Variants in SESN1 observed in about 807,000 individuals in gnomAD.
SESN1 encodes the protein sestrin-1.
A neutral mutation model predicts 59.3 loss-of-function variants in SESN1; 30 were observed. The observed-to-expected ratio is 0.51, with a 90% CI of 0.38 to 0.69. SESN1 has a LOEUF of 0.69. Among genes scored for constraint, SESN1 ranks in the 30% least tolerant of loss-of-function variants. SESN1 has a pLI of 0.00. For missense variants in SESN1, 566 were observed against 673.0 expected (o/e 0.84, Z 1.76); for synonymous variants, 197 against 219.9 (o/e 0.90, Z 0.92).
intron 1 of SESN1, among the ~76,000 whole-genome samples, chr6:109,046,104 TCTCC>T (rs1315356241): frequency 6.6e-6 from 1 of 151,960 alleles, no homozygotes; most frequent in Non-Finnish European, 1.5e-5. Flanking sequence ...GCTCTAGCCC[TCTCC>T]CTCTCCCTCT....
chr6:109,080,487 C>T (rs1185907125), intron 1 of SESN1, among the ~76,000 whole-genome samples: 2 of 152,058 alleles, frequency 1.3e-5, no homozygotes, highest in Non-Finnish European at 2.9e-5. Flanking sequence ...AAATTATACA[C>T]CACAGTGAAA....
intron 1 of SESN1, among the ~76,000 whole-genome samples, chr6:109,059,044 A>G (rs1229889354): frequency 6.6e-6 from 1 of 152,032 alleles, no homozygotes; most frequent in Non-Finnish European, 1.5e-5. Flanking sequence ...GGAAACACCA[A>G]ATTTAAAACG....
chr6:109,056,116 A>G (rs1453266181), intron 1 of SESN1, among the ~76,000 whole-genome samples: 1 of 152,176 alleles, frequency 6.6e-6, no homozygotes, highest in Non-Finnish European at 1.5e-5. Context: ...CTTTTAAAAG[A>G]GTAATTTTCA....
At position 108,988,597 on chromosome 6, in the gene SESN1, C is replaced by T; in HGVS notation, c.1515G>A (p.Lys505=). The T allele has an allele frequency of 6.2e-7, 1 of 1,613,136 alleles. No homozygotes were observed. The highest frequency in any genetic ancestry group is 1.3e-5 in the African/African-American group (1 of 74,990). The stretch of plus-strand genomic sequence containing the variant: ...AGCTATCATACATTCTTTTGGTAAC[C>T]TTTTCAGGAGTGCAAACAACAGTTT... The part of the protein sequence containing the change: ...YIKTVVCTPE[K]VTKRMYDSFW... Residue 505 remains lysine, a synonymous_variant, in exon 9 of 10, where the codon AAG becomes AAA. Coordinates refer to ENST00000436639, the MANE Select transcript of SESN1 (RefSeq NM_014454.3).
intron 4 of SESN1, among the ~76,000 whole-genome samples, chr6:108,999,627 A>G (rs777368738): frequency 3.3e-5 from 5 of 152,186 alleles, no homozygotes; most frequent in African/African-American, 4.8e-5. Flanking sequence ...ACTGACACCA[A>G]TGCTGGCCAA....
chr6:109,004,253 A>G (rs777164051), intron 1 of SESN1, among the ~76,000 whole-genome samples: 1 of 152,232 alleles, frequency 6.6e-6, no homozygotes, highest in Non-Finnish European at 1.5e-5. Flanking sequence ...ACAAAAGCCA[A>G]AAGTCATAAA....
chr6:109,019,993 T>C (rs1447130420), intron 1 of SESN1, among the ~76,000 whole-genome samples: 1 of 152,134 alleles, frequency 6.6e-6, no homozygotes, highest in Non-Finnish European at 1.5e-5. Flanking sequence ...CAGAAAAAAG[T>C]ATGTGGATCA....
intron 1 of SESN1, among the ~76,000 whole-genome samples, chr6:109,041,668 A>G (rs945314242): frequency 6.6e-6 from 1 of 152,194 alleles, no homozygotes; most frequent in African/African-American, 2.4e-5. Context: ...ACCCAAATGT[A>G]CATCCACCAA....
rs979187925 is a variant in SESN1, at chr6:109,042,433, G to GA, written c.280-40091dup. Among the ~76,000 whole-genome samples the GA allele has an allele frequency of 1.3e-3, 164 of 128,296 alleles. 1 individual carries two copies. Among genetic ancestry groups the GA allele is most frequent in the Admixed American group, 4.2e-3 (53 of 12,650 alleles). The allele number at this position is 128,296 out of a possible 152,430, so 84.2% of individuals were successfully genotyped here. The stretch of plus-strand genomic sequence containing the variant: ...AAACAAACTGCTGGTTCTTTGAAAA[G>GA]AAAAAAAAATTGAAAAACCTCTAGC... On this transcript the variant is annotated intron_variant, in intron 1 of 9. Transcript: ENST00000436639.
intron 1 of SESN1, among the ~76,000 whole-genome samples, chr6:109,083,596 G>A (rs1452526610): frequency 1.3e-5 from 2 of 152,160 alleles, no homozygotes; most frequent in Non-Finnish European, 2.9e-5. Context: ...TATAATTTAA[G>A]TCAGTCAATG....
intron 5 of SESN1, among the ~76,000 whole-genome samples, chr6:108,996,572 A>C (rs545129413): frequency 9.2e-5 from 14 of 152,166 alleles, no homozygotes; most frequent in Non-Finnish European, 2.1e-4. Context: ...ATTATATTGA[A>C]ATAAGAGGGA....
chr6:109,087,110 G>A (rs761546787), intron 1 of SESN1, among the ~76,000 whole-genome samples: 3 of 152,100 alleles, frequency 2.0e-5, no homozygotes, highest in Non-Finnish European at 4.4e-5. Flanking sequence ...CAGCCTGGGC[G>A]ACAGAGCAAG....
intron 1 of SESN1, among the ~76,000 whole-genome samples, chr6:109,074,749 T>C (rs925792397): frequency 5.3e-5 from 8 of 152,182 alleles, no homozygotes; most frequent in South Asian, 4.1e-4. Context: ...TAATTCTCTT[T>C]CCCCTCAAAT....
In SESN1 at chr6:109,009,314, C is replaced by A. The variant is rs1433708914; in HGVS notation, c.280-6971G>T. The A allele has an allele frequency of 2.1e-6, 3 of 1,442,974 alleles. No homozygotes were observed. In the African/African-American group the frequency reaches 4.4e-5, roughly 21 times the overall value. The allele number at this position is 1,442,974 out of a possible 1,614,324, so 89.4% of individuals were successfully genotyped here. Reference sequence around the variant, plus strand: ...ACAGGGCAGCTCGGCCGGGTGCCCACCCGCCCAGGTACCCAGCGGCCCGCT... The same window carrying A: ...ACAGGGCAGCTCGGCCGGGTGCCCAACCGCCCAGGTACCCAGCGGCCCGCT... On this transcript the variant is annotated intron_variant, in intron 1 of 9. Coordinates refer to ENST00000436639, the MANE Select transcript of SESN1 (RefSeq NM_014454.3).
intron 1 of SESN1, among the ~76,000 whole-genome samples, chr6:109,081,696 C>T (rs1474187795): frequency 6.6e-6 from 1 of 152,168 alleles, no homozygotes; most frequent in Non-Finnish European, 1.5e-5. Flanking sequence ...CCATCCACCC[C>T]AATTCACAGA....
At chr6:109,012,081 G>A (rs959957262) in intron 1 of SESN1, among the ~76,000 whole-genome samples, 1 of 152,142 alleles carries the variant, frequency 6.6e-6, no homozygotes, top group African/African-American at 2.4e-5. Context: ...CTCTAGGGCT[G>A]AGCACATACA....
intron 1 of SESN1, among the ~76,000 whole-genome samples, chr6:109,023,301 C>T (rs540054781): frequency 6.6e-6 from 1 of 152,174 alleles, no homozygotes; most frequent in Non-Finnish European, 1.5e-5. Context: ...ATTAAGGACA[C>T]ATTATCATAA....
In SESN1 at chr6:109,000,795, C is replaced by G. The variant is rs147023122; in HGVS notation, c.547-122G>C. The G allele has an allele frequency of 5.4e-4, 418 of 773,732 alleles. No homozygotes were observed. The African/African-American group carries it at 7.0e-3, about 13-fold the overall frequency. The allele number at this position is 773,732 out of a possible 1,614,324, so 47.9% of individuals were successfully genotyped here. A position where few individuals can be genotyped will look rare whatever the true frequency, so the allele number is the denominator to read the frequency against. On this transcript the variant is annotated intron_variant, in intron 3 of 9. Coordinates refer to ENST00000436639, the MANE Select transcript of SESN1 (RefSeq NM_014454.3). ...AGTATGTTTTCAAATTTTCCGTAAA[C>G]TACAGAAATGCAGTTTTTATATAAA... is the stretch of plus-strand genomic sequence containing the variant.
intron 1 of SESN1, among the ~76,000 whole-genome samples, chr6:109,047,487 T>C (rs1255694361): frequency 3.8e-5 from 4 of 104,500 alleles, no homozygotes; most frequent in African/African-American, 3.4e-5. Context: ...GTCAGCCCCC[T>C]GCCCGGCCAG....
Sources: allele counts gnomAD v4.1 joint callset (sites outside exome capture counted in the v4.1 genomes callset), GRCh38; gene constraint gnomAD v4.1.1; transcripts MANE v1.5; gene names NCBI Gene and HGNC (gene_info 2026-07-23, HGNC 2026-07-21).